Variants in POMT1 observed in about 807,000 individuals in gnomAD.
POMT1 encodes the protein protein O-mannosyltransferase 1, also known as protein O-mannosyl-transferase 1.
In POMT1, 85 loss-of-function variants were observed where a neutral mutation model predicts 101.6. That is an observed-to-expected ratio of 0.84 (90% CI 0.70 to 1.00). The LOEUF is 1.00. Ranked by LOEUF, POMT1 falls within the 50% of genes least tolerant of loss-of-function variation. POMT1 has a pLI of 0.00. For missense variants in POMT1, 857 were observed against 930.4 expected (o/e 0.92, Z 1.03); for synonymous variants, 371 against 383.0 (o/e 0.97, Z 0.37).
At chr9:131,509,216 T>A (rs185461488) in intron 6 of POMT1, among the ~76,000 whole-genome samples, 194 bp downstream of exon 6, 2 of 152,152 alleles carry the variant, frequency 1.3e-5, no homozygotes, top group South Asian at 4.2e-4. Context: ...AATGGCGCAA[T>A]CTCGGCTCAC....
intron 4 of POMT1, 151 bp from the exon 5 acceptor site, chr9:131,507,217 T>C (rs1946050507): frequency 9.1e-7 from 1 of 1,096,132 alleles, no homozygotes; most frequent in Non-Finnish European, 1.4e-6. Context: ...ACCCATAGTT[T>C]ATGCACTCTG....
intron 13 of POMT1, 144 bp downstream of exon 13, chr9:131,515,666 GGAGCACTTCCTCTAACACA>G (rs1564365945): frequency 1.3e-6 from 1 of 742,380 alleles, no homozygotes; most frequent in African/African-American, 1.9e-5. Context: ...CCTCTAACAC[GGAGCACTTCCTCTAACACA>G]GGACACTTCC....
intron 13 of POMT1, among the ~76,000 whole-genome samples, chr9:131,515,791 A>AG (rs1948284826): frequency 2.5e-5 from 3 of 122,282 alleles, no homozygotes; most frequent in East Asian, 2.3e-4. Flanking sequence ...CCTGTAACAC[A>AG]GGACACTTCC....
rs1449794774 is a variant in POMT1, at chr9:131,502,975, G to C, written c.-129G>C. ...TGAGCAGGGCGGTGGGTGGTGCGGA[G>C]TGCCGAGCGGCCTCACCCCCAACCG... On this transcript the variant is annotated 5_prime_UTR_variant, in exon 1 of 20. Transcript: ENST00000402686. 6.6e-6 allele frequency: 1 copy of C among 152,348 alleles called. No individual in the cohort carries two copies. The highest frequency in any genetic ancestry group is 2.4e-5 in the African/African-American group (1 of 41,468). The allele number at this position is 152,348 out of a possible 1,614,324, so 9.4% of individuals were successfully genotyped here. A position where few individuals can be genotyped will look rare whatever the true frequency, so the allele number is the denominator to read the frequency against.
Position 131,504,320 on chromosome 9 carries a change from C to CA in POMT1, c.103dup (p.Thr35AsnfsTer9). The stretch of plus-strand genomic sequence containing the variant: ...GGTTACTGAGCCGGCTGTGGCGACT[C>CA]ACCTACCCGCGGGCTGTGGTGTAAG... On this transcript the variant is annotated frameshift_variant, in exon 2 of 20. Coordinates refer to ENST00000402686, the MANE Select transcript of POMT1 (RefSeq NM_001077365.2). LOFTEE classifies it high-confidence loss of function. 6.2e-7 allele frequency: 1 copy of CA among 1,614,238 alleles called. No homozygotes were observed. Among genetic ancestry groups the CA allele is most frequent in the East Asian group, 2.2e-5 (1 of 44,892 alleles).
At position 131,523,119 on chromosome 9, in the gene POMT1, G is replaced by A. The variant is rs1487037354; in HGVS notation, c.*13G>A. 3 of 1,609,064 alleles carry A rather than the reference G, an allele frequency of 1.9e-6. No individual in the cohort carries two copies. The highest frequency in any genetic ancestry group is 1.1e-5 in the South Asian group (1 of 90,646). ...CCGAAAACACTAGAACAAGAGTGTG[G>A]CAAAGAACACCCGTGCTGGGGTCGG... On this transcript the variant is annotated 3_prime_UTR_variant, in exon 20 of 20. Coordinates refer to ENST00000402686, the MANE Select transcript of POMT1 (RefSeq NM_001077365.2).
Position 131,515,540 on chromosome 9 carries a change from T to C in POMT1, c.1272+18T>C. Reference sequence around the variant, plus strand: ...GGAGACTGGTGAGTAAGGCTGCGGCTATAGCAGCCACAACCGTCAGTAATG... The same window carrying C: ...GGAGACTGGTGAGTAAGGCTGCGGCCATAGCAGCCACAACCGTCAGTAATG... On this transcript the variant is annotated intron_variant, in intron 13 of 19. Coordinates refer to ENST00000402686, the MANE Select transcript of POMT1 (RefSeq NM_001077365.2). The C allele has an allele frequency of 6.2e-7, 1 of 1,603,784 alleles. No individual in the cohort carries two copies. Among genetic ancestry groups the C allele is most frequent in the South Asian group, 1.1e-5 (1 of 90,916 alleles).
In POMT1 at chr9:131,509,037, G is replaced by A. The variant is rs1180510786; in HGVS notation, c.539+15G>A. ...CAAAAGCACAGGTATGGAAAATGGA[G>A]TGTCTTCCTAGTTAACGAGAACAGA... On this transcript the variant is annotated intron_variant, in intron 6 of 19. Transcript: ENST00000402686. The A allele has an allele frequency of 1.3e-6, 2 of 1,549,636 alleles. No homozygotes were observed. Among genetic ancestry groups the A allele is most frequent in the Admixed American group, 1.7e-5 (1 of 59,940 alleles).
chr9:131,523,122 A>G lies in POMT1; in HGVS notation c.*16A>G, dbSNP rs2131949086. ...AAAACACTAGAACAAGAGTGTGGCA[A>G]AGAACACCCGTGCTGGGGTCGGGAT... On this transcript the variant is annotated 3_prime_UTR_variant, in exon 20 of 20. Coordinates refer to ENST00000402686, the MANE Select transcript of POMT1 (RefSeq NM_001077365.2). The G allele has an allele frequency of 6.2e-7, 1 of 1,609,016 alleles. No individual in the cohort carries two copies. Among genetic ancestry groups the G allele is most frequent in the East Asian group, 2.2e-5 (1 of 44,878 alleles).
At chr9:131,517,704 G>A (rs972199481) in intron 13 of POMT1, among the ~76,000 whole-genome samples, 1 of 152,154 alleles carries the variant, frequency 6.6e-6, no homozygotes, top group African/African-American at 2.4e-5. Flanking sequence ...CGTGAGTGCT[G>A]TGCCCCTTCT....
At chr9:131,506,701 C>T (rs1256141336) in intron 4 of POMT1, 5 of 533,082 alleles carry the variant, frequency 9.4e-6, no homozygotes, top group African/African-American at 3.8e-5. Context: ...CGTTGGTACA[C>T]GTATCACAGA....
At chr9:131,520,827 C>CTGTG (rs138260753) in intron 17 of POMT1, among the ~76,000 whole-genome samples, 3 of 151,350 alleles carry the variant, frequency 2.0e-5, no homozygotes, top group African/African-American at 7.3e-5. Context: ...AGCATCAGTG[C>CTGTG]TGTGTGTGTG....
intron 17 of POMT1, 50 bp from the exon 18 acceptor site, chr9:131,521,296 C>T: frequency 1.2e-6 from 2 of 1,613,290 alleles, no homozygotes; most frequent in Middle Eastern, 1.7e-4. Context: ...CTTCTCTTCC[C>T]TCCCTGAGCA....
At chr9:131,510,678 G>A (rs1946925450) in intron 9 of POMT1, 1 of 483,826 alleles carries the variant, frequency 2.1e-6, no homozygotes, top group Non-Finnish European at 3.8e-6. Flanking sequence ...TAATTTTTTT[G>A]TTTTGTTGGT....
intron 10 of POMT1, chr9:131,511,670 G>T: frequency 1.5e-6 from 1 of 665,236 alleles, no homozygotes; most frequent in Non-Finnish European, 2.5e-6. Context: ...CCCAGGGTCG[G>T]CCCCAGCTCT....
intron 13 of POMT1, 58 bp from the exon 14 acceptor site, chr9:131,518,387 T>A (rs1466902779): frequency 6.9e-7 from 1 of 1,444,832 alleles, no homozygotes; most frequent in South Asian, 1.1e-5. Flanking sequence ...GGTCTTTATT[T>A]TTACATTGAA....
rs1234230037 is a variant in POMT1, at chr9:131,503,440, A to AT, written c.-31+368dup. ...GGGAGAGGAGGCACTCCCAGGACAG[A>AT]TGGGACCTTTTGGGACGAAGGCGCT... On this transcript the variant is annotated intron_variant, in intron 1 of 19. Coordinates refer to ENST00000402686, the MANE Select transcript of POMT1 (RefSeq NM_001077365.2). The surrounding 1 kb of genome is among the most constrained non-coding windows in gnomAD (Gnocchi z 4.4). The AT allele has an allele frequency of 2.6e-5, 4 of 155,960 alleles. No individual in the cohort carries two copies. Among genetic ancestry groups the AT allele is most frequent in the African/African-American group, 9.6e-5 (4 of 41,466 alleles). 9.7% of individuals were successfully genotyped at this position (155,960 alleles called of 1,614,324 possible). A position where few individuals can be genotyped will look rare whatever the true frequency, so the allele number is the denominator to read the frequency against.
rs141833028 is a variant in POMT1 at position 131,507,511 on chromosome 9, A to T, written c.424A>T (p.Ile142Phe). ...AAMGAALLML[I>F]ENALITQSRL... ...CATGGGAGCTGCTCTGTTGATGCTTATCGGTAAGACCTGCGCCCCTGCCTG... is the reference window on the plus strand; with the variant it reads ...CATGGGAGCTGCTCTGTTGATGCTTTTCGGTAAGACCTGCGCCCCTGCCTG... The change falls in exon 5 of 20, where the codon ATC (isoleucine) becomes TTC (phenylalanine). Residue 142 changes from isoleucine (I) to phenylalanine (F), a missense_variant. By Grantham distance (21) the Ile-to-Phe change is conservative. Transcript: ENST00000402686. The T allele has an allele frequency of 4.5e-5, 73 of 1,613,896 alleles. No individual in the cohort carries two copies. The highest frequency in any genetic ancestry group is 5.8e-5 in the Non-Finnish European group (68 of 1,180,018).
rs759478888 is a variant in POMT1, at chr9:131,508,972, T to C, written c.489T>C (p.Asn163=). The change falls in exon 6 of 20, where the codon AAT becomes AAC. Residue 163 remains asparagine (N), a synonymous_variant. Transcript: ENST00000402686. ...MLLESVLIFF[N]LLAVLSYLKF... is the part of the protein sequence containing the mutation. ...TGGAATCAGTGTTAATATTTTTCAA[T>C]CTATTGGCCGTGTTGTCCTACCTGA... 8 of 1,614,110 alleles carry C rather than the reference T, an allele frequency of 5.0e-6. No homozygotes were observed. The highest frequency in any genetic ancestry group is 6.8e-6 in the Non-Finnish European group (8 of 1,179,928).
Sources: allele counts gnomAD v4.1 joint callset (sites outside exome capture counted in the v4.1 genomes callset), GRCh38; gene constraint gnomAD v4.1.1; non-coding constraint Gnocchi (gnomAD v3.1); transcripts MANE v1.5; gene names NCBI Gene and HGNC (gene_info 2026-07-23, HGNC 2026-07-21).